The following POGLUT2 variants were observed in gnomAD, a reference collection of about 807,000 sequenced individuals.
POGLUT2 encodes protein O-glucosyltransferase 2.
In POGLUT2, 47 loss-of-function variants were observed where a neutral mutation model predicts 57.6. That is an observed-to-expected ratio of 0.82 (90% CI 0.65 to 1.04). The LOEUF (loss-of-function observed/expected upper bound fraction) is 1.04, where lower values mean the gene tolerates loss of function less well. Among genes scored for constraint, POGLUT2 ranks in the 50% least tolerant of loss-of-function variants. The pLI, the probability that POGLUT2 is intolerant of heterozygous loss-of-function variation, is 0.00. For missense variants in POGLUT2, 565 were observed against 614.8 expected (o/e 0.92, Z 0.86); for synonymous variants, 200 against 218.8 (o/e 0.91, Z 0.76).
rs377423123 is a variant in POGLUT2 at position 102,787,870 on chromosome 13, G to A, written c.1347C>T (p.Gly449=). The A allele has an allele frequency of 1.5e-5, 24 of 1,593,714 alleles. No homozygotes were observed. Among genetic ancestry groups the A allele is most frequent in the African/African-American group, 1.1e-4 (8 of 74,724 alleles). Reference sequence around the variant, plus strand: ...TGAAATAATAACAGAATATGTCATCGCCCATGAGATTATTTCTTGCAAATT... The same window carrying A: ...TGAAATAATAACAGAATATGTCATCACCCATGAGATTATTTCTTGCAAATT... ...GQEFARNNLM[G]DDIFCYYFKL... is the part of the protein sequence containing the mutation. The change falls in exon 8 of 10, where the codon GGC becomes GGT. Residue 449 remains glycine (G), a synonymous_variant. Coordinates refer to ENST00000376004, the MANE Select transcript of POGLUT2 (RefSeq NM_024089.3).
chr13:102,786,211 C>T, intron 9 of POGLUT2, 21 bp downstream of exon 9: 6 of 1,481,426 alleles, frequency 4.1e-6, no homozygotes, highest in Non-Finnish European at 5.7e-6. Flanking sequence ...TGACACCGGC[C>T]ATAAGCTCAG....
chr13:102,787,110 G>A (rs982452247), intron 8 of POGLUT2, among the ~76,000 whole-genome samples: 14 of 151,840 alleles, frequency 9.2e-5, no homozygotes, highest in South Asian at 2.1e-4. Flanking sequence ...GCAGGGGTAC[G>A]ATCTCGGCTC....
rs1877941519 is a variant in POGLUT2 at position 102,786,353 on chromosome 13, A to C, written c.1384-14T>G. On this transcript the variant is annotated splice_polypyrimidine_tract_variant and intron_variant, in intron 8 of 9. Transcript: ENST00000376004. ...ATTGGCATATTCCTGTTTAAGCAAC[A>C]ATATAAAAGCATTCCTTATAAAACA... The C allele has an allele frequency of 1.3e-6, 2 of 1,520,066 alleles. No homozygotes were observed. The highest frequency in any genetic ancestry group is 1.8e-6 in the Non-Finnish European group (2 of 1,094,138). 94.2% of individuals were successfully genotyped at this position (1,520,066 alleles called of 1,614,324 possible).
intron 4 of POGLUT2, 140 bp from the exon 5 acceptor site, chr13:102,791,570 TAGTGG>T: frequency 1.2e-6 from 1 of 811,792 alleles, no homozygotes; most frequent in South Asian, 1.8e-5. Context: ...TTGGTTTGAA[TAGTGG>T]GCAATGTTTC....
intron 4 of POGLUT2, chr13:102,792,023 G>C (rs1382387363): frequency 7.8e-7 from 1 of 1,289,546 alleles, no homozygotes; most frequent in Non-Finnish European, 1.0e-6. Context: ...AGAAACCGAA[G>C]TCCTGAAGAA....
intron 8 of POGLUT2, among the ~76,000 whole-genome samples, chr13:102,786,869 G>A (rs1210961009): frequency 1.3e-5 from 2 of 152,018 alleles, no homozygotes; most frequent in Admixed American, 6.6e-5. Flanking sequence ...CTCTATCAAG[G>A]GAAGGTTACA....
chr13:102,797,384 T>A (rs533539820), intron 1 of POGLUT2, among the ~76,000 whole-genome samples: 1 of 152,294 alleles, frequency 6.6e-6, no homozygotes, highest in South Asian at 2.1e-4. Flanking sequence ...AAGATAATGA[T>A]CTTATTTTGA....
chr13:102,788,161 C>T (rs1348290805), intron 7 of POGLUT2, among the ~76,000 whole-genome samples: 1 of 152,216 alleles, frequency 6.6e-6, no homozygotes, highest in African/African-American at 2.4e-5. Flanking sequence ...TAAGCCTCTC[C>T]TGGAGAGACA....
rs376221943 is a variant in POGLUT2 at position 102,793,250 on chromosome 13, C to T, written c.672+91G>A. ...ATCATAAGGCTCCAGAAGAGAATAC[C>T]CTGATAGTGTATAATTTGTATTTTG... On this transcript the variant is annotated intron_variant, in intron 4 of 9. Transcript: ENST00000376004. 5.7e-4 allele frequency: 331 copies of T among 582,046 alleles called. No homozygotes were observed. In the African/African-American group the frequency reaches 0.017, roughly 31 times the overall value. The allele number at this position is 582,046 out of a possible 1,614,324, so 36.1% of individuals were successfully genotyped here.
intron 8 of POGLUT2, among the ~76,000 whole-genome samples, chr13:102,786,671 T>C (rs371262560): frequency 6.6e-6 from 1 of 152,304 alleles, no homozygotes; most frequent in Admixed American, 6.5e-5. Flanking sequence ...ACAGAGACTA[T>C]TCTGCTTTCC....
At chr13:102,797,280 C>T (rs12585042) in intron 1 of POGLUT2, among the ~76,000 whole-genome samples, 10,496 of 152,198 alleles carry the variant, frequency 0.069, 530 homozygotes, top group African/African-American at 0.13. Context: ...TATATAAGCA[C>T]AGAACATACT....
chr13:102,789,604 T>C (rs56051156), intron 6 of POGLUT2, among the ~76,000 whole-genome samples: 9,737 of 152,252 alleles, frequency 0.064, 431 homozygotes, highest in African/African-American at 0.12. Flanking sequence ...GTATTATTTA[T>C]GTATTTATTT....
intron 1 of POGLUT2, among the ~76,000 whole-genome samples, chr13:102,797,925 T>C (rs1214929587): frequency 6.6e-6 from 1 of 152,212 alleles, no homozygotes; most frequent in African/African-American, 2.4e-5. Context: ...ATTTCAGAAG[T>C]ATAGGAATTA....
chr13:102,793,186 G>A (rs111972277), intron 4 of POGLUT2, 155 bp downstream of exon 4: 832 of 557,466 alleles, frequency 1.5e-3, no homozygotes, highest in Non-Finnish European at 2.3e-3. Context: ...GGAAACAAAC[G>A]CAGGTACCTG....
intron 4 of POGLUT2, 161 bp downstream of exon 4, chr13:102,793,180 A>G: frequency 1.8e-6 from 1 of 559,700 alleles, no homozygotes; most frequent in Non-Finnish European, 3.2e-6. Context: ...GCCCTAGGAA[A>G]CAAACGCAGG....
chr13:102,798,508 C>G lies in POGLUT2; in HGVS notation c.163G>C (p.Val55Leu). 1 of 1,610,422 alleles carries G rather than the reference C, an allele frequency of 6.2e-7. No homozygotes were observed. The highest frequency in any genetic ancestry group is 8.5e-7 in the Non-Finnish European group (1 of 1,178,276). The part of the protein sequence containing the change: ...LPARYFYIQA[V>L]DTSGNKFTSS... The stretch of plus-strand genomic sequence containing the variant: ...ACTTACTTATTCCCTGATGTATCCA[C>G]TGCCTGAATATAGAAATAGCGGGCG... The change falls in exon 1 of 10, where the codon GTG becomes CTG. Residue 55 changes from valine (V) to leucine (L), a missense_variant. Physicochemically the swap from Val to Leu is conservative, Grantham distance 32. Transcript: ENST00000376004.
intron 4 of POGLUT2, among the ~76,000 whole-genome samples, chr13:102,792,630 G>C (rs1878223445): frequency 6.6e-6 from 1 of 152,186 alleles, no homozygotes; most frequent in Non-Finnish European, 1.5e-5. Context: ...AAGAGACCCA[G>C]AGACATGAGG....
intron 9 of POGLUT2, 65 bp from the exon 10 acceptor site, chr13:102,784,577 A>G: frequency 1.0e-6 from 1 of 952,736 alleles, no homozygotes. Context: ...GAAGACTTAC[A>G]TTCGTTAATT....
Position 102,793,619 on chromosome 13 carries a change from G to C in POGLUT2, c.576C>G (p.Tyr192Ter), listed in dbSNP as rs774669534. 6.2e-7 allele frequency: 1 copy of C among 1,613,426 alleles called. No individual in the cohort carries two copies. Among genetic ancestry groups the C allele is most frequent in the Non-Finnish European group, 8.5e-7 (1 of 1,179,410 alleles). ...GTTGTACCTTGTTATCCTTTAAGGT[G>C]TAGTGACATAGGCTCTGCCTCTGTC... The part of the protein sequence containing the change: ...RFGQRQSLCH[Y>*]TLKDNKVYIK... The change falls in exon 3 of 10, where the codon TAC (tyrosine) becomes TAG (stop). Residue 192 changes from tyrosine to a stop codon, truncating the protein, a stop_gained. Coordinates refer to ENST00000376004, the MANE Select transcript of POGLUT2 (RefSeq NM_024089.3). LOFTEE classifies it high-confidence loss of function.
Sources: allele counts gnomAD v4.1 joint callset (sites outside exome capture counted in the v4.1 genomes callset), GRCh38; gene constraint gnomAD v4.1.1; transcripts MANE v1.5; gene names NCBI Gene and HGNC (gene_info 2026-07-23, HGNC 2026-07-21).